PTPRU: variants seen among roughly 807,000 people sequenced by gnomAD.
The protein encoded by PTPRU is protein tyrosine phosphatase receptor type U, also known as receptor-type tyrosine-protein phosphatase U.
A neutral mutation model predicts 166.3 loss-of-function variants in PTPRU; 69 were observed. That is an observed-to-expected ratio of 0.41 (90% CI 0.34 to 0.51). PTPRU has a LOEUF of 0.51. PTPRU is among the 20% of genes least tolerant of loss of function. The pLI, the probability that PTPRU is intolerant of heterozygous loss-of-function variation, is 0.09. For missense variants in PTPRU, 1,657 were observed against 2,013.7 expected, an observed-to-expected ratio of 0.82 and a Z score of 3.39; for synonymous variants, 793 against 814.0, an observed-to-expected ratio of 0.97 and a Z score of 0.44.
intron 1 of PTPRU, among the ~76,000 whole-genome samples, chr1:29,247,328 C>A (rs770158509): frequency 6.6e-6 from 1 of 152,198 alleles, no homozygotes; most frequent in Non-Finnish European, 1.5e-5. Flanking sequence ...GCATCATGGC[C>A]CTGGCCAGTT....
At chr1:29,262,297 T>C (rs559225101) in intron 7 of PTPRU, among the ~76,000 whole-genome samples, 8 of 152,346 alleles carry the variant, frequency 5.3e-5, no homozygotes, top group African/African-American at 1.9e-4. Flanking sequence ...TTTTTTTGGA[T>C]AACAGCTTTA....
Position 29,259,440 on chromosome 1 carries a change from AC to A in PTPRU, c.560-5del. ...AGGCCCAGCTCACGATGCAGCTCTA[AC>A]CCCGCAGCAAAGGCCCCACACTTCT... On this transcript the variant is annotated splice_polypyrimidine_tract_variant and splice_region_variant and intron_variant, in intron 4 of 29. Coordinates refer to ENST00000373779, the MANE Select transcript of PTPRU (RefSeq NM_133178.4). The A allele has an allele frequency of 6.2e-7, 1 of 1,609,824 alleles. No homozygotes were observed. The highest frequency in any genetic ancestry group is 8.5e-7 in the Non-Finnish European group (1 of 1,177,276).
chr1:29,265,585 A>C (rs1372533213), intron 7 of PTPRU, among the ~76,000 whole-genome samples: 1 of 151,436 alleles, frequency 6.6e-6, no homozygotes, highest in Non-Finnish European at 1.5e-5. Context: ...CTGGTCTTGA[A>C]CTCCTGACCT....
intron 7 of PTPRU, among the ~76,000 whole-genome samples, chr1:29,274,876 G>A (rs1033201799): frequency 3.3e-5 from 5 of 151,606 alleles, no homozygotes; most frequent in South Asian, 2.1e-4. Flanking sequence ...CATGTGAAAC[G>A]CTATCTCTAC....
chr1:29,277,334 C>T (rs868562357), intron 8 of PTPRU, among the ~76,000 whole-genome samples: 9 of 152,168 alleles, frequency 5.9e-5, no homozygotes, highest in African/African-American at 1.9e-4. Flanking sequence ...CTCCTGACCT[C>T]AGGTGATCTG....
rs933982857 is a variant in PTPRU, at chr1:29,271,330, C to G, written c.1145-4118C>G. ...ACGTGGAGAAACTCATGGATTCACA[C>G]CCCTCAATCAACATATCAGTCTGTA... On this transcript the variant is annotated intron_variant, in intron 7 of 29. Transcript: ENST00000373779. The surrounding 1 kb of genome is among the most constrained non-coding windows in gnomAD (Gnocchi z 4.4). Among the ~76,000 whole-genome samples the G allele has an allele frequency of 1.3e-5, 2 of 152,172 alleles. No individual in the cohort carries two copies. Among genetic ancestry groups the G allele is most frequent in the Non-Finnish European group, 2.9e-5 (2 of 68,042 alleles).
At chr1:29,283,265 G>T (rs1188088569) in intron 12 of PTPRU, among the ~76,000 whole-genome samples, 29 of 76,106 alleles carry the variant, frequency 3.8e-4, no homozygotes, top group Non-Finnish European at 6.3e-4. Context: ...CCACCCCCAC[G>T]GCCCCGCCTC....
chr1:29,278,999 C>CT lies in PTPRU; in HGVS notation c.1454-10dup. Reference sequence around the variant, plus strand: ...CCCACTTTCCCCTGGCCCCTGCTGCCTTTCCCTTGCAGTGCCCAGTGGGAT... The same window carrying CT: ...CCCACTTTCCCCTGGCCCCTGCTGCCTTTTCCCTTGCAGTGCCCAGTGGGAT... On this transcript the variant is annotated splice_polypyrimidine_tract_variant and intron_variant, in intron 8 of 29. Transcript: ENST00000373779. 6.4e-7 allele frequency: 1 copy of CT among 1,567,862 alleles called. No individual in the cohort carries two copies. The highest frequency in any genetic ancestry group is 8.7e-7 in the Non-Finnish European group (1 of 1,154,638).
At chr1:29,239,155 C>G (rs940896137) in intron 1 of PTPRU, among the ~76,000 whole-genome samples, 4 of 152,218 alleles carry the variant, frequency 2.6e-5, no homozygotes, top group Admixed American at 6.5e-5. Flanking sequence ...TTCCTGGCCC[C>G]CTTTGTTATT....
chr1:29,316,715 T>C (rs979264030), intron 24 of PTPRU, among the ~76,000 whole-genome samples: 1 of 152,178 alleles, frequency 6.6e-6, no homozygotes, highest in African/African-American at 2.4e-5. Context: ...ATCATCTCTA[T>C]TGTCTGGTGA....
chr1:29,291,608 G>A lies in PTPRU; in HGVS notation c.2319-261G>A, dbSNP rs999928595. Among the ~76,000 whole-genome samples, 3 of 152,204 alleles carry A rather than the reference G, an allele frequency of 2.0e-5. No homozygotes were observed. Among genetic ancestry groups the A allele is most frequent in the Non-Finnish European group, 2.9e-5 (2 of 68,042 alleles). On this transcript the variant is annotated intron_variant, in intron 14 of 29. Transcript: ENST00000373779. The surrounding 1 kb of genome is among the most constrained non-coding windows in gnomAD (Gnocchi z 4.1). ...AGTGAAACTTAGGAGTGAGATCCCA[G>A]CCTGAAGCCACTGCTGCTCCACCCC...
chr1:29,317,722 T>A lies in PTPRU; in HGVS notation c.3514-26T>A. On this transcript the variant is annotated intron_variant, in intron 24 of 29. Transcript: ENST00000373779. The surrounding 1 kb of genome is among the most constrained non-coding windows in gnomAD (Gnocchi z 5.6). ...GCCCAGCAAGCCCTGGACGTAACTC[T>A]CTGTCCCCACCCCCGCTCCCTGTAG... is the stretch of plus-strand genomic sequence containing the variant. The A allele has an allele frequency of 6.3e-7, 1 of 1,585,050 alleles. No individual in the cohort carries two copies. Among genetic ancestry groups the A allele is most frequent in the Non-Finnish European group, 8.6e-7 (1 of 1,168,512 alleles).
intron 5 of PTPRU, 36 bp downstream of exon 5, chr1:29,259,600 T>TGG: frequency 3.9e-6 from 1 of 253,694 alleles, no homozygotes. Flanking sequence ...GGGGGCGGGG[T>TGG]GGGAGGGGGT....
In PTPRU at chr1:29,237,501, C is replaced by T. The variant is rs895180634; in HGVS notation, c.73+784C>T. ...AGTGTGGAGCGCGCCTGGGCCGCGG[C>T]TGCGAGTGTGCCCTGGTCCCGGGGC... On this transcript the variant is annotated intron_variant, in intron 1 of 29. Coordinates refer to ENST00000373779, the MANE Select transcript of PTPRU (RefSeq NM_133178.4). This position sits in a 1 kb window ranked among gnomAD's most constrained non-coding sequence, Gnocchi z 6.4. 6.6e-6 allele frequency among the ~76,000 whole-genome samples: 1 copy of T among 151,796 alleles called. No individual in the cohort carries two copies. The highest frequency in any genetic ancestry group is 1.5e-5 in the Non-Finnish European group (1 of 67,922).
intron 1 of PTPRU, among the ~76,000 whole-genome samples, chr1:29,244,605 C>T (rs886258157): frequency 1.3e-5 from 2 of 151,974 alleles, no homozygotes; most frequent in East Asian, 3.9e-4. Flanking sequence ...GTTTGTCTAG[C>T]GTGTGGTGGT....
In PTPRU at chr1:29,280,649, CTGTGTGTGTG is replaced by C. The variant is rs140481299; in HGVS notation, c.1868+530_1868+539del. 1.4e-5 allele frequency among the ~76,000 whole-genome samples: 2 copies of C among 144,002 alleles called. No homozygotes were observed. The highest frequency in any genetic ancestry group is 3.1e-5 in the Non-Finnish European group (2 of 65,358). The allele number at this position is 144,002 out of a possible 152,430, so 94.5% of individuals were successfully genotyped here. The stretch of plus-strand genomic sequence containing the variant: ...TGGGGAGAGGGTGCTGGAGACAAGA[CTGTGTGTGTG>C]TGTGTGTGTGTGTGTGTGTGTATGT... On this transcript the variant is annotated intron_variant, in intron 11 of 29. Transcript: ENST00000373779. This position sits in a 1 kb window ranked among gnomAD's most constrained non-coding sequence, Gnocchi z 4.2.
chr1:29,280,123 G>A lies in PTPRU; in HGVS notation c.1850G>A (p.Gly617Asp). Residue 617 changes from glycine (G) to aspartate (D), a missense_variant, in exon 11 of 30, where the codon GGC becomes GAC. By Grantham distance (94) the Gly-to-Asp change is moderately conservative. Coordinates refer to ENST00000373779, the MANE Select transcript of PTPRU (RefSeq NM_133178.4). The surrounding 1 kb of genome is among the most constrained non-coding windows in gnomAD (Gnocchi z 4.2). ...TITVLLRPAQ[G>D]RGAPISVYQV... is the part of the protein sequence containing the mutation. ...ACCGTGCTGCTGAGGCCGGCACAGG[G>A]CCGCGGTGCGCCCATCAGGTGGGAA... is the stretch of plus-strand genomic sequence containing the variant. 1 of 1,612,604 alleles carries A rather than the reference G, an allele frequency of 6.2e-7. No homozygotes were observed. The highest frequency in any genetic ancestry group is 8.5e-7 in the Non-Finnish European group (1 of 1,179,430).
chr1:29,258,911 G>T lies in PTPRU; in HGVS notation c.477+135G>T, dbSNP rs537264908. On this transcript the variant is annotated intron_variant, in intron 3 of 29. Coordinates refer to ENST00000373779, the MANE Select transcript of PTPRU (RefSeq NM_133178.4). ...GTATCAGAGGCAACCTGTGGTCAAG[G>T]CCAGGGGTCAGTCTGGGGCCAGTCT... The T allele has an allele frequency of 1.3e-4, 173 of 1,333,246 alleles. No individual in the cohort carries two copies. In the African/African-American group the frequency reaches 2.5e-3, roughly 19 times the overall value. 82.6% of individuals were successfully genotyped at this position (1,333,246 alleles called of 1,614,324 possible).
Position 29,304,820 on chromosome 1 carries a change from A to G in PTPRU, c.2714A>G (p.Lys905Arg), listed in dbSNP as rs749275440. 2.3e-5 allele frequency: 37 copies of G among 1,612,212 alleles called. No homozygotes were observed. Among genetic ancestry groups the G allele is most frequent in the Admixed American group, 8.3e-5 (5 of 59,976 alleles). Reference sequence around the variant, plus strand: ...GCCACAAAGAAGAAAGACAAGGTCAAGGGCAGCCGGCAGGAGCCAATGCCT... The same window carrying G: ...GCCACAAAGAAGAAAGACAAGGTCAGGGGCAGCCGGCAGGAGCCAATGCCT... ...WDATKKKDKV[K>R]GSRQEPMPAY... The change falls in exon 17 of 30, where the codon AAG (lysine) becomes AGG (arginine). Residue 905 changes from lysine to arginine, a missense_variant. Around this residue, in one of 3 missense-constraint regions of PTPRU, gnomAD observed 1,190 missense variants for 1,477.4 expected, o/e 0.81. Transcript: ENST00000373779.
Sources: allele counts gnomAD v4.1 joint callset (sites outside exome capture counted in the v4.1 genomes callset), GRCh38; gene constraint gnomAD v4.1.1; regional missense constraint gnomAD v4.1.1; non-coding constraint Gnocchi (gnomAD v3.1); transcripts MANE v1.5; gene names NCBI Gene and HGNC (gene_info 2026-07-23, HGNC 2026-07-21).